Variants in EDIL3 observed in about 807,000 individuals in gnomAD.
The protein encoded by EDIL3 is EGF like and discoidin domains 3.
A neutral mutation model predicts 67.4 loss-of-function variants in EDIL3; 37 were observed. The ratio of observed to expected loss-of-function variants is 0.55; its 90% CI spans 0.42 to 0.72. The LOEUF is 0.72. EDIL3 is among the 30% of genes least tolerant of loss of function. The probability of loss-of-function intolerance (pLI) is 0.00; values close to 1 mark genes in which losing one functional copy is unlikely to be tolerated. For synonymous variants in EDIL3, 195 were observed against 196.3 expected (o/e 0.99, Z 0.05); for missense variants, 527 against 586.3 (o/e 0.90, Z 1.04).
At chr5:84,254,454 T>A (rs1745091585) in intron 1 of EDIL3, among the ~76,000 whole-genome samples, 1 of 152,238 alleles carries the variant, frequency 6.6e-6, no homozygotes, top group African/African-American at 2.4e-5. Context: ...TGGTTCAGTT[T>A]GGAGTTCCTT....
At chr5:84,303,847 TGTTTG>T (rs1746212091) in intron 1 of EDIL3, among the ~76,000 whole-genome samples, 3 of 146,694 alleles carry the variant, frequency 2.0e-5, no homozygotes, top group East Asian at 2.0e-4. Flanking sequence ...TGTGTGTGTG[TGTTTG>T]TGTGTGTGTG....
intron 10 of EDIL3, among the ~76,000 whole-genome samples, chr5:83,946,179 A>G (rs948010489): frequency 2.0e-5 from 3 of 152,026 alleles, no homozygotes; most frequent in East Asian, 3.9e-4. Context: ...AAGTCTGAAA[A>G]GACTGATAGA....
intron 6 of EDIL3, among the ~76,000 whole-genome samples, chr5:84,091,765 T>C (rs1472074626): frequency 2.0e-5 from 3 of 152,196 alleles, no homozygotes; most frequent in Non-Finnish European, 4.4e-5. Context: ...TTTGGGGACT[T>C]GAGAACAGGC....
At chr5:84,227,525 C>T (rs1744475359) in intron 3 of EDIL3, among the ~76,000 whole-genome samples, 1 of 152,076 alleles carries the variant, frequency 6.6e-6, no homozygotes, top group Non-Finnish European at 1.5e-5. Context: ...TTGGAGATTT[C>T]CCAAAGAACT....
At chr5:84,118,060 A>C (rs1747703416) in intron 5 of EDIL3, among the ~76,000 whole-genome samples, 1 of 152,178 alleles carries the variant, frequency 6.6e-6, no homozygotes, top group South Asian at 2.1e-4. Context: ...CATTCTTTTA[A>C]TATACAGGGA....
chr5:84,072,683 A>G (rs1416203438), intron 6 of EDIL3, among the ~76,000 whole-genome samples: 2 of 152,250 alleles, frequency 1.3e-5, no homozygotes, highest in South Asian at 2.1e-4. Flanking sequence ...AGCACTGTAT[A>G]TAATAAAACA....
At chr5:84,321,905 G>C (rs564974140) in intron 1 of EDIL3, among the ~76,000 whole-genome samples, 63 of 152,132 alleles carry the variant, frequency 4.1e-4, no homozygotes, top group Non-Finnish European at 8.4e-4. Context: ...AGAAGGACAG[G>C]ACATTGAAAA....
chr5:84,141,964 T>G (rs1022402122), intron 4 of EDIL3, among the ~76,000 whole-genome samples: 4 of 141,544 alleles, frequency 2.8e-5, no homozygotes, highest in African/African-American at 1.0e-4. Context: ...TCTATCTATC[T>G]ATCTATCTAT....
intron 3 of EDIL3, among the ~76,000 whole-genome samples, chr5:84,216,405 A>G (rs981668552): frequency 6.6e-6 from 1 of 152,242 alleles, no homozygotes; most frequent in African/African-American, 2.4e-5. Flanking sequence ...CATAACAAAA[A>G]AGTTGAATAA....
intron 3 of EDIL3, among the ~76,000 whole-genome samples, chr5:84,196,371 A>G (rs1193609351): frequency 6.6e-6 from 1 of 151,984 alleles, no homozygotes; most frequent in East Asian, 1.9e-4. Flanking sequence ...CACAACAATG[A>G]TTACCCAGAA....
intron 5 of EDIL3, among the ~76,000 whole-genome samples, chr5:84,122,885 A>G (rs914057897): frequency 6.6e-6 from 1 of 151,978 alleles, no homozygotes; most frequent in Admixed American, 6.6e-5. Context: ...AAGCAGAGGT[A>G]TAACATTTAA....
At chr5:83,956,910 T>A (rs1258286860) in intron 10 of EDIL3, among the ~76,000 whole-genome samples, 5 of 151,640 alleles carry the variant, frequency 3.3e-5, no homozygotes. Flanking sequence ...TAAATAACAA[T>A]GTTCTTATTT....
intron 9 of EDIL3, among the ~76,000 whole-genome samples, chr5:84,047,061 C>T (rs1746237088): frequency 6.6e-6 from 1 of 151,922 alleles, no homozygotes; most frequent in South Asian, 2.1e-4. Context: ...TAACAGGTGC[C>T]CCAAATATAC....
At chr5:84,265,733 T>C (rs746099889) in intron 1 of EDIL3, among the ~76,000 whole-genome samples, 3 of 152,206 alleles carry the variant, frequency 2.0e-5, no homozygotes, top group Non-Finnish European at 4.4e-5. Flanking sequence ...CTGATAAACA[T>C]GAGAACAAAT....
chr5:83,943,914 G>A (rs867375239), intron 10 of EDIL3, among the ~76,000 whole-genome samples: 2 of 151,906 alleles, frequency 1.3e-5, no homozygotes, highest in Non-Finnish European at 1.5e-5. Flanking sequence ...TCTCTTCCAC[G>A]GGGTGACTCA....
At chr5:84,217,035 C>T (rs1439471892) in intron 3 of EDIL3, among the ~76,000 whole-genome samples, 1 of 151,902 alleles carries the variant, frequency 6.6e-6, no homozygotes, top group Non-Finnish European at 1.5e-5. Flanking sequence ...CCATCCTATC[C>T]AGAAAGTTGA....
At chr5:84,293,264 G>A (rs1474617236) in intron 1 of EDIL3, among the ~76,000 whole-genome samples, 1 of 152,124 alleles carries the variant, frequency 6.6e-6, no homozygotes, top group Non-Finnish European at 1.5e-5. Context: ...TAACAAACAC[G>A]AGCAATTTAC....
chr5:84,253,255 A>G (rs1413590587), intron 2 of EDIL3, among the ~76,000 whole-genome samples: 2 of 152,194 alleles, frequency 1.3e-5, no homozygotes, highest in African/African-American at 2.4e-5. Flanking sequence ...GCAGGTTGAC[A>G]AAACATGTTT....
intron 9 of EDIL3, among the ~76,000 whole-genome samples, chr5:83,987,876 T>TATATAC (rs1554062199): frequency 1.4e-5 from 2 of 148,132 alleles, no homozygotes; most frequent in African/African-American, 5.0e-5. Flanking sequence ...TATGTATATA[T>TATATAC]ATATATATAT....
Sources: allele counts gnomAD v4.1 joint callset (sites outside exome capture counted in the v4.1 genomes callset), GRCh38; gene constraint gnomAD v4.1.1; transcripts MANE v1.5; gene names NCBI Gene and HGNC (gene_info 2026-07-23, HGNC 2026-07-21).